GALNT9: variants seen among roughly 807,000 people sequenced by gnomAD.
The protein encoded by GALNT9 is GalNAc transferase 9.
Under a neutral mutation model 63.1 loss-of-function variants are expected in GALNT9, and 47 were observed. The observed-to-expected ratio is 0.75, with a 90% CI of 0.59 to 0.95. GALNT9 has a LOEUF of 0.95. Among genes scored for constraint, GALNT9 ranks in the 40% least tolerant of loss-of-function variants. GALNT9 has a pLI of 0.00. For synonymous variants in GALNT9, 396 were observed against 365.7 expected, an observed-to-expected ratio of 1.08 and a Z score of -0.94; for missense variants, 829 against 874.8, an observed-to-expected ratio of 0.95 and a Z score of 0.66.
At chr12:132,288,929 G>A (rs2135564505) in intron 1 of GALNT9, among the ~76,000 whole-genome samples, 1 of 152,330 alleles carries the variant, frequency 6.6e-6, no homozygotes, top group Non-Finnish European at 1.5e-5. Flanking sequence ...CGGCAGGAGG[G>A]TGGCTGAGCA....
chr12:132,305,655 G>C (rs186543597), intron 1 of GALNT9, among the ~76,000 whole-genome samples: 3 of 151,688 alleles, frequency 2.0e-5, no homozygotes, highest in African/African-American at 7.3e-5. Flanking sequence ...GCCCTCGCCC[G>C]GGCACAGCCT....
chr12:132,320,367 C>T (rs890978066), intron 1 of GALNT9, among the ~76,000 whole-genome samples: 10 of 152,238 alleles, frequency 6.6e-5, no homozygotes, highest in African/African-American at 1.4e-4. Context: ...GGCCACGAGG[C>T]ACAGACGCCC....
rs928739080 is a variant in GALNT9 at position 132,282,449 on chromosome 12, G to A, written c.419+3801C>T. On this transcript the variant is annotated intron_variant, in intron 2 of 10. Coordinates refer to ENST00000328957, the MANE Select transcript of GALNT9 (RefSeq NM_001122636.2). The surrounding 1 kb of genome is among the most constrained non-coding windows in gnomAD (Gnocchi z 4.5). ...TGTGTGCGTGCATGCGTGTGTGTGC[G>A]TGTGCATGTGTGTGTGCACGCATGT... Among the ~76,000 whole-genome samples the A allele has an allele frequency of 7.9e-5, 12 of 152,220 alleles. No homozygotes were observed. The highest frequency in any genetic ancestry group is 2.2e-4 in the African/African-American group (9 of 41,456).
At chr12:132,221,209 T>A (rs1593070510) in intron 6 of GALNT9, among the ~76,000 whole-genome samples, 1 of 139,560 alleles carries the variant, frequency 7.2e-6, no homozygotes, top group South Asian at 2.3e-4. Flanking sequence ...AAAAATTAGC[T>A]GGGTGTGGTG....
chr12:132,297,336 A>T (rs914626752), intron 1 of GALNT9, among the ~76,000 whole-genome samples: 1 of 151,218 alleles, frequency 6.6e-6, no homozygotes, highest in Non-Finnish European at 1.5e-5. Flanking sequence ...GAGATGACCA[A>T]CTCACTCCCA....
intron 2 of GALNT9, among the ~76,000 whole-genome samples, chr12:132,272,244 CCA>C (rs1879897557): frequency 6.6e-6 from 1 of 152,188 alleles, no homozygotes; most frequent in Non-Finnish European, 1.5e-5. Context: ...TCACAACGAC[CCA>C]GGGAAGCACC....
intron 6 of GALNT9, among the ~76,000 whole-genome samples, chr12:132,209,236 G>A (rs1010457118): frequency 9.2e-5 from 14 of 152,118 alleles, no homozygotes; most frequent in African/African-American, 3.4e-4. Context: ...GATAAAATAG[G>A]TTGCAGTAGG....
At position 132,236,596 on chromosome 12, in the gene GALNT9, A is replaced by C. The variant is rs1878012122; in HGVS notation, c.1077+11314T>G. ...CTTTCCTTTCAAGCTCCAAACTTGCACTTTGATTTCCTTCAAGAGTCCACC... is the reference window on the plus strand; with the variant it reads ...CTTTCCTTTCAAGCTCCAAACTTGCCCTTTGATTTCCTTCAAGAGTCCACC... On this transcript the variant is annotated intron_variant, in intron 6 of 10. Coordinates refer to ENST00000328957, the MANE Select transcript of GALNT9 (RefSeq NM_001122636.2). This position sits in a 1 kb window ranked among gnomAD's most constrained non-coding sequence, Gnocchi z 5.6. Among the ~76,000 whole-genome samples the C allele has an allele frequency of 6.6e-6, 1 of 151,480 alleles. No homozygotes were observed. Among genetic ancestry groups the C allele is most frequent in the African/African-American group, 2.4e-5 (1 of 41,178 alleles).
At chr12:132,207,039 G>C (rs1593469585) in intron 6 of GALNT9, among the ~76,000 whole-genome samples, 1 of 152,304 alleles carries the variant, frequency 6.6e-6, no homozygotes, top group Middle Eastern at 3.4e-3. Flanking sequence ...TCTCCAACCT[G>C]GGTTAAAGAG....
chr12:132,243,422 C>T (rs2136905423), intron 6 of GALNT9, among the ~76,000 whole-genome samples: 3 of 151,082 alleles, frequency 2.0e-5, no homozygotes, highest in African/African-American at 7.4e-5. Context: ...CAGTCCTCCT[C>T]GTCTTCCGGA....
rs1470866982 is a variant in GALNT9, at chr12:132,265,339, GTCC to G, written c.420-2717_420-2715del. ...TTCCTTCCGTGGTGGGCTGAACGGT[GTCC>G]TCCTCCCGCGACCCAAGACACAGTG... On this transcript the variant is annotated intron_variant, in intron 2 of 10. Coordinates refer to ENST00000328957, the MANE Select transcript of GALNT9 (RefSeq NM_001122636.2). This position sits in a 1 kb window ranked among gnomAD's most constrained non-coding sequence, Gnocchi z 5.3. Among the ~76,000 whole-genome samples, 10 of 152,170 alleles carry G rather than the reference GTCC, an allele frequency of 6.6e-5. No individual in the cohort carries two copies. The highest frequency in any genetic ancestry group is 2.1e-4 in the South Asian group (1 of 4,828).
intron 2 of GALNT9, chr12:132,275,222 C>T (rs1186623331): frequency 6.6e-6 from 1 of 152,386 alleles, no homozygotes; most frequent in African/African-American, 2.4e-5. Context: ...TCCCATAAAA[C>T]ATGGGGCTCA....
intron 5 of GALNT9, among the ~76,000 whole-genome samples, chr12:132,250,607 T>C (rs1555238448): frequency 6.6e-6 from 1 of 152,140 alleles, no homozygotes; most frequent in African/African-American, 2.4e-5. Flanking sequence ...CTGGCCAATA[T>C]GAAGAAACTC....
chr12:132,226,308 G>A (rs941215499), intron 6 of GALNT9, among the ~76,000 whole-genome samples: 18 of 125,978 alleles, frequency 1.4e-4, no homozygotes, highest in Admixed American at 1.3e-3. Flanking sequence ...CCATATACAC[G>A]CTGCACATAC....
In GALNT9 at chr12:132,215,502, C is replaced by T. The variant is rs11247007; in HGVS notation, c.1078-11812G>A. On this transcript the variant is annotated intron_variant, in intron 6 of 10. Coordinates refer to ENST00000328957, the MANE Select transcript of GALNT9 (RefSeq NM_001122636.2). ...TCCTCCAGGGAGGGCGTGCTTCCTC[C>T]CTTTCCCAAGAGCGCTGCCATGCCA... 4.4e-3 allele frequency among the ~76,000 whole-genome samples: 664 copies of T among 152,374 alleles called. 16 individuals carry two copies. In the East Asian group the frequency reaches 0.064, roughly 15 times the overall value.
chr12:132,228,210 T>C (rs912930067), intron 6 of GALNT9, among the ~76,000 whole-genome samples: 6 of 151,974 alleles, frequency 3.9e-5, no homozygotes, highest in Non-Finnish European at 7.4e-5. Flanking sequence ...CCTCCACTCA[T>C]GCAGAAAGGA....
At chr12:132,240,346 C>T (rs1555236798) in intron 6 of GALNT9, among the ~76,000 whole-genome samples, 2 of 152,146 alleles carry the variant, frequency 1.3e-5, no homozygotes, top group African/African-American at 2.4e-5. Context: ...TCCAGGGCTG[C>T]AGGGAGACCC....
chr12:132,264,832 C>A (rs1427645097), intron 2 of GALNT9, among the ~76,000 whole-genome samples: 7 of 152,198 alleles, frequency 4.6e-5, no homozygotes, highest in Admixed American at 6.5e-5. Context: ...GGATGCTGGA[C>A]CAGCCGTCAG....
Position 132,240,820 on chromosome 12 carries a change from G to A in GALNT9, c.1077+7090C>T, listed in dbSNP as rs2136899660. On this transcript the variant is annotated intron_variant, in intron 6 of 10. Transcript: ENST00000328957. ...CACACATGCCACACACCCTTCCCAAGGCCGTCCCTATACCCATTACACACA... is the reference window on the plus strand; with the variant it reads ...CACACATGCCACACACCCTTCCCAAAGCCGTCCCTATACCCATTACACACA... The A allele has an allele frequency of 6.9e-3, 2,858 of 413,578 alleles. 131 individuals are homozygous for A. The highest frequency in any genetic ancestry group is 0.046 in the East Asian group (606 of 13,158). 25.6% of individuals were successfully genotyped at this position (413,578 alleles called of 1,614,324 possible).
Sources: gnomAD v4.1 joint callset for allele counts (sites outside exome capture counted in the v4.1 genomes callset) on GRCh38, gnomAD v4.1.1 for gene constraint, Gnocchi (gnomAD v3.1) non-coding constraint, MANE v1.5 for transcripts, NCBI Gene and HGNC (gene_info 2026-07-23, HGNC 2026-07-21) for gene names.